SNX14: variants seen among roughly 807,000 people sequenced by gnomAD.
SNX14 encodes the protein sorting nexin 14, also known as sorting nexin-14.
A neutral mutation model predicts 133.8 loss-of-function variants in SNX14; 93 were observed. The observed-to-expected ratio is 0.70, with a 90% CI of 0.59 to 0.83. The LOEUF is 0.83. Ranked by LOEUF, SNX14 falls within the 40% of genes least tolerant of loss-of-function variation. The pLI, the probability that SNX14 is intolerant of heterozygous loss-of-function variation, is 0.00. For synonymous variants in SNX14, 368 were observed against 365.6 expected (o/e 1.01, Z -0.07); for missense variants, 945 against 1,094.9 (o/e 0.86, Z 1.93).
rs1774108729 is a variant in SNX14 at position 85,514,507 on chromosome 6, T to C, written c.2391A>G (p.Val797=). ...AGTCTTAAACCACTTAGATCTTACC[T>C]ACATACATCAGGTAATCATAGACTC... is the stretch of plus-strand genomic sequence containing the variant. The part of the protein sequence containing the change: ...VEGVYDYLMY[V]GRVVFQVPDW... The change falls in exon 24 of 29, where the codon GTA becomes GTG. Residue 797 remains valine, a splice_region_variant and synonymous_variant. Coordinates refer to ENST00000314673, the MANE Select transcript of SNX14 (RefSeq NM_153816.6). 1.2e-6 allele frequency: 2 copies of C among 1,612,972 alleles called. No homozygotes were observed. The highest frequency in any genetic ancestry group is 1.7e-6 in the Non-Finnish European group (2 of 1,179,652).
At chr6:85,508,500 C>T (rs1461797519) in intron 26 of SNX14, 3 of 470,010 alleles carry the variant, frequency 6.4e-6, no homozygotes, top group Non-Finnish European at 8.3e-6. Context: ...CGACTTCTAC[C>T]CAGTGGGCAG....
At chr6:85,523,249 G>C (rs1041587143) in intron 21 of SNX14, among the ~76,000 whole-genome samples, 7 of 152,210 alleles carry the variant, frequency 4.6e-5, no homozygotes, top group Non-Finnish European at 8.8e-5. Flanking sequence ...AAAAACCAAA[G>C]GATTTTAGAT....
intron 4 of SNX14, among the ~76,000 whole-genome samples, chr6:85,571,107 C>G (rs1402666144): frequency 1.3e-5 from 2 of 152,012 alleles, no homozygotes; most frequent in Admixed American, 1.3e-4. Context: ...AAACCCAGCA[C>G]TTTGGGAGGC....
intron 21 of SNX14, among the ~76,000 whole-genome samples, chr6:85,525,240 A>G (rs1160820119): frequency 6.6e-6 from 1 of 152,186 alleles, no homozygotes; most frequent in East Asian, 1.9e-4. Context: ...ATAAAAATTA[A>G]TATTTTAAAA....
intron 7 of SNX14, 30 bp downstream of exon 7, chr6:85,557,946 T>C (rs375042485): frequency 1.3e-5 from 18 of 1,337,184 alleles, no homozygotes; most frequent in Admixed American, 3.8e-5. Context: ...AAAACAAAAT[T>C]ACTCAAACTG....
At chr6:85,552,737 G>A (rs1033610380) in intron 7 of SNX14, among the ~76,000 whole-genome samples, 6 of 152,158 alleles carry the variant, frequency 3.9e-5, no homozygotes, top group Admixed American at 2.0e-4. Flanking sequence ...CCACTGTCAC[G>A]TAGACCTCAA....
chr6:85,560,420 G>T (rs1437382799), intron 6 of SNX14, among the ~76,000 whole-genome samples: 1 of 152,190 alleles, frequency 6.6e-6, no homozygotes, highest in Non-Finnish European at 1.5e-5. Flanking sequence ...TATATGAAAT[G>T]TTCAGAATAG....
intron 1 of SNX14, among the ~76,000 whole-genome samples, chr6:85,579,263 A>C (rs146893204): frequency 1.2e-4 from 19 of 152,318 alleles, no homozygotes; most frequent in African/African-American, 4.6e-4. Context: ...GGCAAGAAAA[A>C]TACCTGTTCA....
Position 85,514,599 on chromosome 6 carries a change from T to C in SNX14, c.2299A>G (p.Asn767Asp). The change falls in exon 24 of 29, where the codon AAC becomes GAC. Residue 767 changes from asparagine (N) to aspartate (D), a missense_variant. Around this residue, in one of 3 missense-constraint regions of SNX14, gnomAD observed 412 missense variants for 516.6 expected, o/e 0.80. Coordinates refer to ENST00000314673, the MANE Select transcript of SNX14 (RefSeq NM_153816.6). ...TTTCTCTCTGTATTTTCAGCACGGT[T>C]TGCATTATTTTTAAACAGATCATTG... Reference protein sequence around the residue: ...LFNDLFKNNANRAENTERKQN... With the variant: ...LFNDLFKNNADRAENTERKQN... The C allele has an allele frequency of 6.2e-7, 1 of 1,612,428 alleles. No individual in the cohort carries two copies. Among genetic ancestry groups the C allele is most frequent in the Non-Finnish European group, 8.5e-7 (1 of 1,179,146 alleles).
intron 22 of SNX14, 24 bp from the exon 23 acceptor site, chr6:85,517,899 A>G: frequency 6.3e-7 from 1 of 1,578,270 alleles, no homozygotes; most frequent in Non-Finnish European, 8.6e-7. Flanking sequence ...TTATTGTAAG[A>G]AAATAAAAAA....
At chr6:85,556,986 C>T (rs979845539) in intron 7 of SNX14, among the ~76,000 whole-genome samples, 2 of 152,036 alleles carry the variant, frequency 1.3e-5, no homozygotes, top group Admixed American at 6.6e-5. Context: ...AAAAATGGTT[C>T]CATGCTCAAA....
At chr6:85,593,442 G>A in intron 1 of SNX14, 137 bp downstream of exon 1, 1 of 1,332,936 alleles carries the variant, frequency 7.5e-7, no homozygotes, top group Non-Finnish European at 9.9e-7. Context: ...CCCCGAGGCC[G>A]CTCCTCTGCG....
At chr6:85,577,068 T>C (rs1462657225) in intron 1 of SNX14, among the ~76,000 whole-genome samples, 2 of 152,090 alleles carry the variant, frequency 1.3e-5, no homozygotes, top group Non-Finnish European at 2.9e-5. Context: ...AAGTGAATTA[T>C]TTTGTGAGAC....
At chr6:85,555,193 C>G (rs1007998530) in intron 7 of SNX14, among the ~76,000 whole-genome samples, 1 of 152,220 alleles carries the variant, frequency 6.6e-6, no homozygotes, top group Non-Finnish European at 1.5e-5. Context: ...AAAGATGATT[C>G]CATTTATTCA....
chr6:85,537,049 A>C, intron 16 of SNX14, 125 bp from the exon 17 acceptor site: 1 of 1,018,140 alleles, frequency 9.8e-7, no homozygotes, highest in Non-Finnish European at 1.4e-6. Context: ...TATAGCTAAC[A>C]TAACTTTTGG....
At chr6:85,534,462 A>C (rs953188168) in intron 17 of SNX14, among the ~76,000 whole-genome samples, 3 of 152,242 alleles carry the variant, frequency 2.0e-5, no homozygotes, top group African/African-American at 7.2e-5. Flanking sequence ...GCATCATCTT[A>C]GTCTGCGTTA....
rs1157837748 is a variant in SNX14 at position 85,517,856 on chromosome 6, G to A, written c.2168C>T (p.Pro723Leu). The change falls in exon 23 of 29, where the codon CCT becomes CTT. Residue 723 changes from proline (P) to leucine (L), a missense_variant. Pro to Leu is a moderately conservative substitution (Grantham distance 98). Around this residue, in one of 3 missense-constraint regions of SNX14, gnomAD observed 412 missense variants for 516.6 expected, o/e 0.80. Transcript: ENST00000314673. ...AGAATTAATGAAATTCATGATAAAA[G>A]GTTCCAAATGCTGACCTTTCTGTGG... The part of the protein sequence containing the change: ...LMKEKGQHLE[P>L]FIMNFINSCE... The A allele has an allele frequency of 6.2e-7, 1 of 1,607,668 alleles. No individual in the cohort carries two copies. The highest frequency in any genetic ancestry group is 1.1e-5 in the South Asian group (1 of 89,040).
chr6:85,521,680 T>A (rs1562217961), intron 21 of SNX14, among the ~76,000 whole-genome samples: 1 of 152,128 alleles, frequency 6.6e-6, no homozygotes, highest in Non-Finnish European at 1.5e-5. Context: ...AAAAGAGAGA[T>A]TTTTGCTGTT....
intron 9 of SNX14, among the ~76,000 whole-genome samples, chr6:85,547,953 A>G (rs1020071398): frequency 2.6e-5 from 4 of 152,214 alleles, no homozygotes; most frequent in Admixed American, 2.0e-4. Flanking sequence ...TACAACATGG[A>G]TGAACCTTGA....
Sources: gnomAD v4.1 joint callset for allele counts (sites outside exome capture counted in the v4.1 genomes callset) on GRCh38, gnomAD v4.1.1 for gene constraint, gnomAD v4.1.1 regional missense constraint, MANE v1.5 for transcripts, NCBI Gene and HGNC (gene_info 2026-07-23, HGNC 2026-07-21) for gene names.